SGIP1: variants seen among roughly 807,000 people sequenced by gnomAD.
SGIP1 encodes SH3GL interacting endocytic adaptor 1.
In SGIP1, 38 loss-of-function variants were observed where a neutral mutation model predicts 107.5. The ratio of observed to expected loss-of-function variants is 0.35; its 90% confidence interval spans 0.27 to 0.46. The LOEUF (loss-of-function observed/expected upper bound fraction) is 0.46, where lower values mean the gene tolerates loss of function less well. Ranked by LOEUF, SGIP1 falls within the 20% of genes least tolerant of loss-of-function variation. The probability of loss-of-function intolerance (pLI) is 1.00; values close to 1 mark genes in which losing one functional copy is unlikely to be tolerated. For synonymous variants in SGIP1, 365 were observed against 366.1 expected (o/e 1.00, Z 0.03); for missense variants, 929 against 1,019.5 (o/e 0.91, Z 1.21).
intron 12 of SGIP1, among the ~76,000 whole-genome samples, chr1:66,676,074 T>C (rs946509051): frequency 6.6e-6 from 1 of 152,178 alleles, no homozygotes; most frequent in Non-Finnish European, 1.5e-5. Flanking sequence ...TTATAGACAT[T>C]TTATATATAC....
At chr1:66,725,807 T>G (rs1225978685) in intron 19 of SGIP1, among the ~76,000 whole-genome samples, 1 of 152,266 alleles carries the variant, frequency 6.6e-6, no homozygotes, top group East Asian at 1.9e-4. Context: ...CAGCTGCTCA[T>G]GGGAAGGTGT....
chr1:66,671,741 A>G (rs538281234), intron 10 of SGIP1, among the ~76,000 whole-genome samples: 8 of 152,312 alleles, frequency 5.3e-5, no homozygotes, highest in South Asian at 4.1e-4. Context: ...ATGAGGTTTT[A>G]CAAATGCCAG....
At chr1:66,695,271 A>AAAAAAT in intron 17 of SGIP1, 163 bp from the exon 18 acceptor site, 1 of 1,325,974 alleles carries the variant, frequency 7.5e-7, no homozygotes, top group Non-Finnish European at 9.9e-7. Context: ...AAAAAAAAAA[A>AAAAAAT]GTGTAGATTG....
chr1:66,738,455 C>G (rs2094341373), intron 21 of SGIP1, among the ~76,000 whole-genome samples: 1 of 152,226 alleles, frequency 6.6e-6, no homozygotes, highest in Admixed American at 6.5e-5. Context: ...CACCTATTCA[C>G]CACCATAACG....
chr1:66,702,665 T>C (rs1206601443), intron 18 of SGIP1, among the ~76,000 whole-genome samples: 1 of 152,208 alleles, frequency 6.6e-6, no homozygotes, highest in Non-Finnish European at 1.5e-5. Flanking sequence ...GGGTGTCTGG[T>C]GGTGACTATA....
intron 16 of SGIP1, 141 bp downstream of exon 16, chr1:66,689,416 T>G: frequency 4.2e-5 from 45 of 1,081,044 alleles, no homozygotes; most frequent in Non-Finnish European, 5.6e-5. Context: ...CACTGCGGTA[T>G]GAGTGTACAT....
chr1:66,547,580 G>A (rs982843562), intron 1 of SGIP1, among the ~76,000 whole-genome samples: 9 of 152,128 alleles, frequency 5.9e-5, no homozygotes, highest in African/African-American at 2.2e-4. Context: ...TCGCACTCTT[G>A]ATCAAATTTT....
chr1:66,586,696 C>T (rs2062679684), intron 1 of SGIP1, among the ~76,000 whole-genome samples: 1 of 152,066 alleles, frequency 6.6e-6, no homozygotes, highest in Non-Finnish European at 1.5e-5. Flanking sequence ...TTTGCATAAA[C>T]AACCAAAAAT....
intron 1 of SGIP1, among the ~76,000 whole-genome samples, chr1:66,540,201 T>C (rs1183491648): frequency 6.7e-6 from 1 of 150,120 alleles, no homozygotes; most frequent in Non-Finnish European, 1.5e-5. Context: ...AGTGATAAAT[T>C]GTGAGAAATA....
intron 1 of SGIP1, among the ~76,000 whole-genome samples, chr1:66,575,940 C>T (rs148085582): frequency 2.4e-4 from 36 of 152,286 alleles, no homozygotes; most frequent in Middle Eastern, 3.4e-3. Context: ...TTCGTCAGTA[C>T]GCTAGGAGCC....
At chr1:66,643,479 C>T in intron 6 of SGIP1, 65 bp from the exon 7 acceptor site, 1 of 1,386,180 alleles carries the variant, frequency 7.2e-7, no homozygotes, top group South Asian at 1.3e-5. Flanking sequence ...TATGCAATTG[C>T]TCTTGTCTTG....
At chr1:66,673,210 G>A (rs778136295) in intron 11 of SGIP1, 71 bp from the exon 12 acceptor site, 72 of 1,467,254 alleles carry the variant, frequency 4.9e-5, no homozygotes, top group Non-Finnish European at 6.2e-5. Flanking sequence ...ATATGTGAAA[G>A]CTTGTATATC....
intron 24 of SGIP1, among the ~76,000 whole-genome samples, chr1:66,742,788 A>T (rs776296048): frequency 1.3e-5 from 2 of 152,130 alleles, no homozygotes; most frequent in Non-Finnish European, 2.9e-5. Context: ...CCTTTCTAAC[A>T]TAAGTTGGAT....
chr1:66,605,276 T>C (rs971442099), intron 1 of SGIP1, among the ~76,000 whole-genome samples: 5 of 152,212 alleles, frequency 3.3e-5, no homozygotes, highest in African/African-American at 1.2e-4. Context: ...TTGGGAGACA[T>C]CCTCTGAGTA....
At chr1:66,540,403 TCTTC>T (rs1244316226) in intron 1 of SGIP1, among the ~76,000 whole-genome samples, 2 of 152,176 alleles carry the variant, frequency 1.3e-5, no homozygotes, top group East Asian at 3.8e-4. Flanking sequence ...TTCTTTTCTC[TCTTC>T]CTTTGCCTTC....
chr1:66,741,224 C>G, intron 23 of SGIP1, 48 bp from the exon 24 acceptor site: 2 of 1,487,064 alleles, frequency 1.3e-6, no homozygotes, highest in Non-Finnish European at 1.8e-6. Flanking sequence ...AAATTATATC[C>G]GAAATATTAT....
At chr1:66,654,881 G>A (rs2079441774) in intron 7 of SGIP1, among the ~76,000 whole-genome samples, 1 of 152,210 alleles carries the variant, frequency 6.6e-6, no homozygotes, top group Non-Finnish European at 1.5e-5. Flanking sequence ...GGGCAACAGA[G>A]ACAGAGGGCA....
intron 18 of SGIP1, among the ~76,000 whole-genome samples, chr1:66,716,667 C>A (rs1457869128): frequency 1.3e-5 from 2 of 152,020 alleles, no homozygotes; most frequent in Non-Finnish European, 2.9e-5. Flanking sequence ...AGTTCCAGGA[C>A]CCCAAGAACC....
At chr1:66,598,419 C>T (rs1204526704) in intron 1 of SGIP1, among the ~76,000 whole-genome samples, 1 of 152,174 alleles carries the variant, frequency 6.6e-6, no homozygotes, top group Non-Finnish European at 1.5e-5. Context: ...TGAAATCTGT[C>T]AGATGCTGAA....
Sources: gnomAD v4.1 joint callset for allele counts (sites outside exome capture counted in the v4.1 genomes callset) on GRCh38, gnomAD v4.1.1 for gene constraint, MANE v1.5 for transcripts, NCBI Gene and HGNC (gene_info 2026-07-23, HGNC 2026-07-21) for gene names.